NUP42: variants seen among roughly 807,000 people sequenced by gnomAD.
NUP42 encodes nucleoporin NUP42.
A neutral mutation model predicts 35.9 loss-of-function variants in NUP42; 47 were observed. The observed-to-expected ratio is 1.31, with a 90% CI of 1.04 to 1.67. The LOEUF (loss-of-function observed/expected upper bound fraction) is 1.67, where lower values mean the gene tolerates loss of function less well. Ranked by LOEUF, NUP42 falls within the 40% of genes most tolerant of loss-of-function variation. The pLI is 0.00. For missense variants in NUP42, 514 were observed against 492.2 expected (o/e 1.04, Z -0.42); for synonymous variants, 173 against 173.3 (o/e 1.00, Z 0.01).
At chr7:23,198,568 A>G (rs1786098268) in intron 5 of NUP42, among the ~76,000 whole-genome samples, 1 of 152,202 alleles carries the variant, frequency 6.6e-6, no homozygotes, top group Admixed American at 6.5e-5. Flanking sequence ...TGGATGATTA[A>G]GAAAGTCTTC....
At chr7:23,191,366 T>C (rs1450468351) in intron 3 of NUP42, among the ~76,000 whole-genome samples, 3 of 152,126 alleles carry the variant, frequency 2.0e-5, no homozygotes, top group Non-Finnish European at 4.4e-5. Flanking sequence ...TTAGAAGACA[T>C]TGCTGCTTGT....
intron 3 of NUP42, chr7:23,188,347 TAC>T: frequency 8.9e-7 from 1 of 1,123,612 alleles, no homozygotes; most frequent in Non-Finnish European, 1.1e-6. Context: ...TTATGAATCT[TAC>T]ATTCTTGAGG....
chr7:23,192,090 C>T (rs1181945816), intron 3 of NUP42, among the ~76,000 whole-genome samples: 1 of 152,106 alleles, frequency 6.6e-6, no homozygotes, highest in Non-Finnish European at 1.5e-5. Flanking sequence ...GAAACATATA[C>T]ACACACAAAC....
chr7:23,184,920 C>A, intron 1 of NUP42, 150 bp from the exon 2 acceptor site: 1 of 614,940 alleles, frequency 1.6e-6, no homozygotes, highest in Non-Finnish European at 2.8e-6. Flanking sequence ...GTGGGAGGAT[C>A]GATTGAGCTT....
At chr7:23,182,406 C>A (rs947471380) in intron 1 of NUP42, 200 bp downstream of exon 1, 1 of 1,388,408 alleles carries the variant, frequency 7.2e-7, no homozygotes, top group Non-Finnish European at 9.3e-7. Context: ...TTTTATTGAG[C>A]TTCTGAGGAC....
Position 23,187,052 on chromosome 7 carries a change from G to C in NUP42, c.351G>C (p.Leu117=), listed in dbSNP as rs1368232790. Reference sequence around the variant, plus strand: ...CTTTTTTTTTTTTTCTTTTTTGCAGGGAAGGAATTGTAAAAGATATGGAGG... The same window carrying C: ...CTTTTTTTTTTTTTCTTTTTTGCAGCGAAGGAATTGTAAAAGATATGGAGG... ...PDEQKDEKKL[L]EGIVKDMEVW... Residue 117 remains leucine, a splice_region_variant and synonymous_variant, in exon 3 of 7, where the codon CTG becomes CTC. Transcript: ENST00000258742. 3.2e-6 allele frequency: 5 copies of C among 1,565,716 alleles called. No individual in the cohort carries two copies. Among genetic ancestry groups the C allele is most frequent in the Non-Finnish European group, 4.3e-6 (5 of 1,158,034 alleles).
intron 1 of NUP42, 71 bp downstream of exon 1, chr7:23,182,277 C>A: frequency 6.5e-7 from 1 of 1,533,020 alleles, no homozygotes; most frequent in East Asian, 2.5e-5. Flanking sequence ...GGGCGTCCCG[C>A]GTGTTTCCCG....
chr7:23,192,722 T>TCCCTGTACAAGTGGC (rs1029444385), intron 3 of NUP42, among the ~76,000 whole-genome samples: 1 of 151,610 alleles, frequency 6.6e-6, no homozygotes, highest in African/African-American at 2.4e-5. Context: ...CGGAAGAAAA[T>TCCCTGTACAAGTGGC]CCCTGTACAA....
chr7:23,199,649 A>G (rs1398692540), intron 6 of NUP42, 107 bp downstream of exon 6: 1 of 930,712 alleles, frequency 1.1e-6, no homozygotes, highest in South Asian at 1.4e-5. Flanking sequence ...CGTAAATTCT[A>G]CAACCTTCCA....
In NUP42 at chr7:23,182,062, C is replaced by T. The variant is rs978003116; in HGVS notation, c.-24C>T. ...CATCGAACGGTGCAGACTGAAGACG[C>T]CCTCCGTCAGCGACGCCGTCGCAAT... On this transcript the variant is annotated 5_prime_UTR_variant, in exon 1 of 7. Transcript: ENST00000258742. 1 of 1,612,704 alleles carries T rather than the reference C, an allele frequency of 6.2e-7. No individual in the cohort carries two copies. Among genetic ancestry groups the T allele is most frequent in the East Asian group, 2.2e-5 (1 of 44,884 alleles).
intron 3 of NUP42, chr7:23,188,010 T>C: frequency 9.5e-7 from 1 of 1,051,148 alleles, no homozygotes; most frequent in South Asian, 1.8e-5. Flanking sequence ...ATTTTTTATT[T>C]TTATTTTTTT....
intron 3 of NUP42, chr7:23,188,055 A>G: frequency 6.9e-7 from 1 of 1,447,526 alleles, no homozygotes; most frequent in East Asian, 2.7e-5. Context: ...TTCTGGGCTG[A>G]AACCTAGACC....
chr7:23,194,365 G>GT (rs1454756341), intron 3 of NUP42: 5 of 157,016 alleles, frequency 3.2e-5, no homozygotes, highest in South Asian at 1.9e-4. Context: ...GTTTTGTTTT[G>GT]TTTTTTTGAG....
chr7:23,188,663 T>C, intron 3 of NUP42: 1 of 499,494 alleles, frequency 2.0e-6, no homozygotes, highest in Non-Finnish European at 2.6e-6. Flanking sequence ...AAAAAAAGTA[T>C]TTATTGTATA....
chr7:23,200,650 C>A lies in NUP42; in HGVS notation c.1177C>A (p.Leu393Ile). Residue 393 changes from leucine to isoleucine, a missense_variant, in exon 7 of 7, where the codon CTA (leucine) becomes ATA (isoleucine). Physicochemically the swap from Leu to Ile is conservative, Grantham distance 5. Coordinates refer to ENST00000258742, the MANE Select transcript of NUP42 (RefSeq NM_007342.3). The part of the protein sequence containing the change: ...DNVLFTPRDK[L>I]TVEELEQFQS... ...TGTGTTATTCACACCCAGAGATAAA[C>A]TAACAGTAGAAGAACTGGAACAATT... 1.2e-6 allele frequency: 2 copies of A among 1,613,546 alleles called. No individual in the cohort carries two copies. The highest frequency in any genetic ancestry group is 8.5e-7 in the Non-Finnish European group (1 of 1,179,778).
At chr7:23,182,483 C>T (rs1227117462) in intron 1 of NUP42, 5 of 1,224,024 alleles carry the variant, frequency 4.1e-6, no homozygotes, top group Non-Finnish European at 4.1e-6. Flanking sequence ...TCGAAACTAC[C>T]TTGTAGGTAA....
intron 1 of NUP42, among the ~76,000 whole-genome samples, chr7:23,183,245 TTTTTA>T (rs1785476909): frequency 6.6e-6 from 1 of 152,162 alleles, no homozygotes. Context: ...GACCTTTATT[TTTTTA>T]TTTTATTTTG....
At chr7:23,197,285 GTTC>G in intron 5 of NUP42, 1 of 971,294 alleles carries the variant, frequency 1.0e-6, no homozygotes, top group Non-Finnish European at 1.4e-6. Flanking sequence ...CCATTAAAAA[GTTC>G]TTAAGAATTT....
At chr7:23,199,648 T>C (rs1179491607) in intron 6 of NUP42, 106 bp downstream of exon 6, 14 of 944,662 alleles carry the variant, frequency 1.5e-5, no homozygotes, top group Non-Finnish European at 2.2e-5. Context: ...TCGTAAATTC[T>C]ACAACCTTCC....
Sources: allele counts gnomAD v4.1 joint callset (sites outside exome capture counted in the v4.1 genomes callset), GRCh38; gene constraint gnomAD v4.1.1; transcripts MANE v1.5; gene names NCBI Gene and HGNC (gene_info 2026-07-23, HGNC 2026-07-21).